Variants in CEP112 observed in about 807,000 individuals in gnomAD.
The protein encoded by CEP112 is centrosomal protein of 112 kDa.
A neutral mutation model predicts 153.0 loss-of-function variants in CEP112; 127 were observed. The observed-to-expected ratio is 0.83, with a 90% CI of 0.72 to 0.96. CEP112 has a LOEUF of 0.96. CEP112 is among the 40% of genes least tolerant of loss of function. CEP112 has a pLI of 0.00. For missense variants in CEP112, 1,089 were observed against 1,101.2 expected, an observed-to-expected ratio of 0.99 and a Z score of 0.16; for synonymous variants, 358 against 374.4, an observed-to-expected ratio of 0.96 and a Z score of 0.51.
intron 22 of CEP112, among the ~76,000 whole-genome samples, chr17:65,746,967 T>C (rs957238681): frequency 6.6e-6 from 1 of 152,138 alleles, no homozygotes. Flanking sequence ...GAGAGCTATT[T>C]TGAGCTGATG....
intron 20 of CEP112, among the ~76,000 whole-genome samples, chr17:65,895,195 T>C (rs572867076): frequency 1.3e-5 from 2 of 152,200 alleles, no homozygotes; most frequent in South Asian, 2.1e-4. Flanking sequence ...ATAGTCATCT[T>C]CTGACCCAGG....
intron 23 of CEP112, among the ~76,000 whole-genome samples, chr17:65,717,033 G>A (rs2049565869): frequency 6.6e-6 from 1 of 152,194 alleles, no homozygotes; most frequent in Non-Finnish European, 1.5e-5. Flanking sequence ...AAACAATGGT[G>A]CAAACAATTC....
intron 17 of CEP112, among the ~76,000 whole-genome samples, chr17:65,992,348 G>T (rs1355926303): frequency 6.6e-6 from 1 of 152,050 alleles, no homozygotes; most frequent in African/African-American, 2.4e-5. Context: ...AACTTTAGGG[G>T]TAAATAATGT....
chr17:65,813,083 T>C (rs1598658383), intron 21 of CEP112, among the ~76,000 whole-genome samples: 1 of 152,212 alleles, frequency 6.6e-6, no homozygotes, highest in Non-Finnish European at 1.5e-5. Context: ...TGAATCCAGG[T>C]GACTAGCAGG....
At chr17:65,747,823 A>G (rs1253923146) in intron 22 of CEP112, among the ~76,000 whole-genome samples, 3 of 152,192 alleles carry the variant, frequency 2.0e-5, no homozygotes, top group African/African-American at 7.2e-5. Flanking sequence ...TACAGGCTTG[A>G]TAAAATCATG....
intron 20 of CEP112, among the ~76,000 whole-genome samples, chr17:65,874,152 A>G (rs181908976): frequency 2.6e-5 from 4 of 152,300 alleles, no homozygotes; most frequent in Non-Finnish European, 5.9e-5. Flanking sequence ...TGTCATTTCC[A>G]TTGAAAATGA....
chr17:66,004,231 C>G (rs1328076902), intron 17 of CEP112, among the ~76,000 whole-genome samples: 1 of 151,810 alleles, frequency 6.6e-6, no homozygotes. Context: ...CCTGTAATAC[C>G]AGCACTTTGG....
intron 16 of CEP112, among the ~76,000 whole-genome samples, chr17:66,010,619 T>C (rs997612412): frequency 1.3e-5 from 2 of 152,196 alleles, no homozygotes; most frequent in Non-Finnish European, 2.9e-5. Context: ...CTTATTATTT[T>C]GAAGTATGTT....
chr17:65,810,893 T>C (rs971384587), intron 21 of CEP112, among the ~76,000 whole-genome samples: 13 of 151,956 alleles, frequency 8.6e-5, no homozygotes, highest in Non-Finnish European at 1.6e-4. Context: ...AGGTGGAACA[T>C]GGATATAGAT....
chr17:65,837,538 T>G (rs1185028870), intron 21 of CEP112, among the ~76,000 whole-genome samples: 1 of 152,080 alleles, frequency 6.6e-6, no homozygotes, highest in Non-Finnish European at 1.5e-5. Context: ...AGCCACCCTG[T>G]CCGAGAAGTG....
At chr17:66,153,070 T>A (rs758397263) in intron 4 of CEP112, among the ~76,000 whole-genome samples, 2 of 152,070 alleles carry the variant, frequency 1.3e-5, no homozygotes, top group Non-Finnish European at 2.9e-5. Context: ...AGAATACTCA[T>A]GTGAAGAGAC....
At chr17:65,655,229 A>G (rs1223150600) in intron 24 of CEP112, 1 of 868,518 alleles carries the variant, frequency 1.2e-6, no homozygotes, top group Middle Eastern at 2.7e-4. Context: ...AACACTTTTG[A>G]AGTCATCCCG....
At chr17:65,855,575 T>C (rs2058095255) in intron 20 of CEP112, among the ~76,000 whole-genome samples, 1 of 152,118 alleles carries the variant, frequency 6.6e-6, no homozygotes, top group Non-Finnish European at 1.5e-5. Flanking sequence ...TTCTATAAGC[T>C]CATCCAACAG....
At chr17:66,130,117 C>T (rs1036657176) in intron 5 of CEP112, among the ~76,000 whole-genome samples, 1 of 151,878 alleles carries the variant, frequency 6.6e-6, no homozygotes, top group Admixed American at 6.6e-5. Context: ...CTGTATTGCC[C>T]TCAGAGGAAA....
At chr17:66,142,575 C>T (rs1299171656) in intron 4 of CEP112, among the ~76,000 whole-genome samples, 2 of 152,084 alleles carry the variant, frequency 1.3e-5, no homozygotes, top group East Asian at 1.9e-4. Flanking sequence ...TGTGGACTTC[C>T]GGTTTTCCTA....
At chr17:65,827,340 C>T (rs2146080408) in intron 21 of CEP112, among the ~76,000 whole-genome samples, 1 of 152,260 alleles carries the variant, frequency 6.6e-6, no homozygotes, top group South Asian at 2.1e-4. Flanking sequence ...TCTAGAGAAC[C>T]CTGACTAACA....
chr17:66,127,877 GAACC>G (rs1228304222), intron 6 of CEP112, among the ~76,000 whole-genome samples: 1 of 152,138 alleles, frequency 6.6e-6, no homozygotes, highest in Non-Finnish European at 1.5e-5. Context: ...CCGTTTCTCA[GAACC>G]AAGCCTTTAG....
intron 21 of CEP112, among the ~76,000 whole-genome samples, chr17:65,808,084 G>A (rs1265765084): frequency 6.6e-6 from 1 of 152,260 alleles, no homozygotes; most frequent in East Asian, 1.9e-4. Flanking sequence ...AAGGCTGTGA[G>A]AGCCCACCCC....
chr17:65,750,619 TG>T (rs2051769564), intron 22 of CEP112, 42 bp downstream of exon 22: 1 of 1,557,928 alleles, frequency 6.4e-7, no homozygotes, highest in Non-Finnish European at 8.8e-7. Context: ...GTTTCATTTT[TG>T]TTTTGGTTTT....
Sources: gnomAD v4.1 joint callset for allele counts (sites outside exome capture counted in the v4.1 genomes callset) on GRCh38, gnomAD v4.1.1 for gene constraint, MANE v1.5 for transcripts, NCBI Gene and HGNC (gene_info 2026-07-23, HGNC 2026-07-21) for gene names.